Variants in ARHGAP35 observed in about 807,000 individuals in gnomAD.
ARHGAP35 encodes rho GTPase-activating protein 35.
Under a neutral mutation model 111.1 loss-of-function variants are expected in ARHGAP35, and 15 were observed. The ratio of observed to expected loss-of-function variants is 0.13; its 90% confidence interval spans 0.09 to 0.21. The LOEUF (loss-of-function observed/expected upper bound fraction) is 0.21, where lower values mean the gene tolerates loss of function less well. Ranked by LOEUF, ARHGAP35 falls within the 10% of genes least tolerant of loss-of-function variation. The pLI is 1.00. For missense variants in ARHGAP35, 1,262 were observed against 1,873.0 expected, an observed-to-expected ratio of 0.67 and a Z score of 6.02; for synonymous variants, 643 against 710.3, an observed-to-expected ratio of 0.91 and a Z score of 1.51.
intron 1 of ARHGAP35, among the ~76,000 whole-genome samples, chr19:46,907,590 T>G (rs963697680): frequency 1.3e-5 from 2 of 152,076 alleles, no homozygotes; most frequent in African/African-American, 4.8e-5. Context: ...GCCATTCTCC[T>G]GTCTCAGCCT....
chr19:46,980,658 T>C (rs1287138842), intron 3 of ARHGAP35, among the ~76,000 whole-genome samples: 1 of 152,206 alleles, frequency 6.6e-6, no homozygotes, highest in Admixed American at 6.5e-5. Flanking sequence ...TGAGGCTTGT[T>C]AAGAGTGTAG....
intron 1 of ARHGAP35, among the ~76,000 whole-genome samples, chr19:46,883,528 A>G (rs946173571): frequency 6.6e-6 from 1 of 152,212 alleles, no homozygotes; most frequent in Non-Finnish European, 1.5e-5. Context: ...CCCCAAATCA[A>G]TTGCAATATT....
In ARHGAP35 at chr19:46,870,605, T is replaced by C. The variant is rs80223496; in HGVS notation, c.-189+9396T>C. On this transcript the variant is annotated intron_variant, in intron 1 of 6. Coordinates refer to ENST00000672722, the MANE Select transcript of ARHGAP35 (RefSeq NM_004491.5). ...AAGAAAAAAAAAAAATTTCTTCCTCTGATTGGTCAGTCAACTGAGGAACGT... is the reference window on the plus strand; with the variant it reads ...AAGAAAAAAAAAAAATTTCTTCCTCCGATTGGTCAGTCAACTGAGGAACGT... Among the ~76,000 whole-genome samples, 786 of 152,048 alleles carry C rather than the reference T, an allele frequency of 5.2e-3. 3 individuals are homozygous for C. Among genetic ancestry groups the C allele is most frequent in the African/African-American group, 0.018 (743 of 41,490 alleles).
chr19:46,931,071 A>T (rs1305656401), intron 2 of ARHGAP35, among the ~76,000 whole-genome samples: 1 of 152,170 alleles, frequency 6.6e-6, no homozygotes, highest in Non-Finnish European at 1.5e-5. Context: ...TAAAAGGCTT[A>T]TGATATAGTA....
rs533997183 is a variant in ARHGAP35, at chr19:46,945,649, C to T, written c.3826+8241C>T. On this transcript the variant is annotated intron_variant, in intron 3 of 6. Transcript: ENST00000672722. This position sits in a 1 kb window ranked among gnomAD's most constrained non-coding sequence, Gnocchi z 4.1. Reference sequence around the variant, plus strand: ...ACCTGCCCACCCGGGACGGTCTCAGCGTTCTGGAGACAGAATCCTAGTGCC... The same window carrying T: ...ACCTGCCCACCCGGGACGGTCTCAGTGTTCTGGAGACAGAATCCTAGTGCC... 9.2e-5 allele frequency among the ~76,000 whole-genome samples: 14 copies of T among 152,168 alleles called. No individual in the cohort carries two copies. The highest frequency in any genetic ancestry group is 3.4e-4 in the African/African-American group (14 of 41,454).
chr19:46,880,683 TA>T (rs1201015455), intron 1 of ARHGAP35, among the ~76,000 whole-genome samples: 2 of 152,154 alleles, frequency 1.3e-5, no homozygotes, highest in East Asian at 1.9e-4. Flanking sequence ...ATTTTATTTT[TA>T]TTTTTTTTAA....
At chr19:46,914,464 T>C (rs913255229) in intron 1 of ARHGAP35, among the ~76,000 whole-genome samples, 1 of 151,100 alleles carries the variant, frequency 6.6e-6, no homozygotes, top group African/African-American at 2.5e-5. Context: ...ATAATAATAA[T>C]AAATTAGCCA....
chr19:46,999,599 A>G lies in ARHGAP35; in HGVS notation c.4142+190A>G. ...GAGCCTCTGCCTCTCGCCCATCCTC[A>G]GGCCTCCCTCCTGCTCCTGTCTGAG... On this transcript the variant is annotated intron_variant, in intron 6 of 6. Coordinates refer to ENST00000672722, the MANE Select transcript of ARHGAP35 (RefSeq NM_004491.5). The surrounding 1 kb of genome is among the most constrained non-coding windows in gnomAD (Gnocchi z 5.4). 1 of 585,466 alleles carries G rather than the reference A, an allele frequency of 1.7e-6. No individual in the cohort carries two copies. Among genetic ancestry groups the G allele is most frequent in the Non-Finnish European group, 3.0e-6 (1 of 329,196 alleles). The allele number at this position is 585,466 out of a possible 1,614,324, so 36.3% of individuals were successfully genotyped here.
intron 3 of ARHGAP35, among the ~76,000 whole-genome samples, chr19:46,972,615 T>C (rs569515064): frequency 5.9e-5 from 9 of 152,242 alleles, no homozygotes; most frequent in South Asian, 4.2e-4. Context: ...CTGTCCTTGA[T>C]TGAAAAATGA....
In ARHGAP35 at chr19:46,868,088, G is replaced by A. The variant is rs574356360; in HGVS notation, c.-189+6879G>A. Among the ~76,000 whole-genome samples the A allele has an allele frequency of 6.1e-3, 935 of 152,166 alleles. 2 individuals carry two copies. Among genetic ancestry groups the A allele is most frequent in the Non-Finnish European group, 8.5e-3 (578 of 68,006 alleles). On this transcript the variant is annotated intron_variant, in intron 1 of 6. Transcript: ENST00000672722. ...TTGCCATGTTGGCCAGCCTGGTCTC[G>A]AACTCCTGACCTCAGGTGATCCACC...
intron 1 of ARHGAP35, among the ~76,000 whole-genome samples, chr19:46,892,592 T>C (rs2056030982): frequency 1.3e-5 from 2 of 151,458 alleles, no homozygotes; most frequent in Non-Finnish European, 2.9e-5. Context: ...TTTTCTAAAG[T>C]ACGAAGTATG....
At position 46,947,910 on chromosome 19, in the gene ARHGAP35, A is replaced by T. The variant is rs548893795; in HGVS notation, c.3826+10502A>T. ...TTTATTATAAAGAATATTACATGGG[A>T]TACAGATGAAGAGATGTGGGTAGGG... On this transcript the variant is annotated intron_variant, in intron 3 of 6. Coordinates refer to ENST00000672722, the MANE Select transcript of ARHGAP35 (RefSeq NM_004491.5). The T allele has an allele frequency of 3.9e-5, 6 of 152,328 alleles. No individual in the cohort carries two copies. In the South Asian group the frequency reaches 1.2e-3, roughly 32 times the overall value. The allele number at this position is 152,328 out of a possible 1,614,324, so 9.4% of individuals were successfully genotyped here. A position where few individuals can be genotyped will look rare whatever the true frequency, so the allele number is the denominator to read the frequency against.
At chr19:46,878,274 C>T (rs2055937575) in intron 1 of ARHGAP35, among the ~76,000 whole-genome samples, 2 of 152,154 alleles carry the variant, frequency 1.3e-5, no homozygotes, top group African/African-American at 2.4e-5. Flanking sequence ...CCACCCACCT[C>T]GGCTTTCTAA....
chr19:46,945,359 G>T lies in ARHGAP35; in HGVS notation c.3826+7951G>T, dbSNP rs2122237694. 6.6e-6 allele frequency among the ~76,000 whole-genome samples: 1 copy of T among 152,292 alleles called. No individual in the cohort carries two copies. Among genetic ancestry groups the T allele is most frequent in the African/African-American group, 2.4e-5 (1 of 41,560 alleles). The stretch of plus-strand genomic sequence containing the variant: ...CAGAGAACATTGGCCAAGCTCATCT[G>T]AGCTCTCTGATGCACAGCAGGAAGT... On this transcript the variant is annotated intron_variant, in intron 3 of 6. Coordinates refer to ENST00000672722, the MANE Select transcript of ARHGAP35 (RefSeq NM_004491.5). This position sits in a 1 kb window ranked among gnomAD's most constrained non-coding sequence, Gnocchi z 4.1.
intron 3 of ARHGAP35, among the ~76,000 whole-genome samples, chr19:46,943,957 G>A (rs1183952100): frequency 1.3e-5 from 2 of 152,074 alleles, no homozygotes; most frequent in African/African-American, 4.8e-5. Flanking sequence ...TTGATAAATC[G>A]GGACTTGAAC....
At chr19:46,996,041 C>G (rs1328025886) in intron 5 of ARHGAP35, among the ~76,000 whole-genome samples, 3 of 152,218 alleles carry the variant, frequency 2.0e-5, no homozygotes, top group Non-Finnish European at 2.9e-5. Context: ...CCGCTCCTCA[C>G]TAGGCGTTCG....
chr19:46,871,474 C>G (rs2055887033), intron 1 of ARHGAP35, among the ~76,000 whole-genome samples: 1 of 152,106 alleles, frequency 6.6e-6, no homozygotes. Context: ...TCCCCAGTAG[C>G]TGAGATTACA....
intron 3 of ARHGAP35, among the ~76,000 whole-genome samples, chr19:46,963,459 C>T (rs1010976514): frequency 6.6e-6 from 1 of 152,162 alleles, no homozygotes; most frequent in Non-Finnish European, 1.5e-5. Flanking sequence ...TCCTCTGTGC[C>T]TTCACTCCTC....
At chr19:46,890,537 G>C (rs2056018706) in intron 1 of ARHGAP35, among the ~76,000 whole-genome samples, 1 of 152,212 alleles carries the variant, frequency 6.6e-6, no homozygotes, top group Admixed American at 6.5e-5. Flanking sequence ...CTATTATATA[G>C]TGTCATGGCC....
Sources: gnomAD v4.1 joint callset for allele counts (sites outside exome capture counted in the v4.1 genomes callset) on GRCh38, gnomAD v4.1.1 for gene constraint, Gnocchi (gnomAD v3.1) non-coding constraint, MANE v1.5 for transcripts, NCBI Gene and HGNC (gene_info 2026-07-23, HGNC 2026-07-21) for gene names.